The following LRRC42 variants were observed in gnomAD, a reference collection of about 807,000 sequenced individuals.
The protein encoded by LRRC42 is leucine-rich repeat-containing protein 42.
A neutral mutation model predicts 44.3 loss-of-function variants in LRRC42; 43 were observed. The ratio of observed to expected loss-of-function variants is 0.97; its 90% confidence interval spans 0.76 to 1.25. The LOEUF (loss-of-function observed/expected upper bound fraction) is 1.25, where lower values mean the gene tolerates loss of function less well. Ranked by LOEUF, LRRC42 falls within the 50% of genes most tolerant of loss-of-function variation. LRRC42 has a pLI of 0.00. For missense variants in LRRC42, 540 were observed against 509.1 expected (o/e 1.06, Z -0.58); for synonymous variants, 207 against 195.2 (o/e 1.06, Z -0.50).
intron 7 of LRRC42, among the ~76,000 whole-genome samples, chr1:53,963,835 T>C (rs1655056272): frequency 6.6e-6 from 1 of 152,220 alleles, no homozygotes; most frequent in South Asian, 2.1e-4. Context: ...AGAACAAGTA[T>C]GCTCCTTTAT....
chr1:53,965,130 G>A (rs1175735534), intron 7 of LRRC42, among the ~76,000 whole-genome samples: 1 of 150,616 alleles, frequency 6.6e-6, no homozygotes, highest in Non-Finnish European at 1.5e-5. Context: ...TCAGCCTCCC[G>A]AGTAGCTGGG....
At chr1:53,949,937 C>T (rs1263795025) in intron 2 of LRRC42, among the ~76,000 whole-genome samples, 1 of 152,238 alleles carries the variant, frequency 6.6e-6, no homozygotes, top group African/African-American at 2.4e-5. Flanking sequence ...AGGTCTTACC[C>T]TTCCTTTCAT....
intron 5 of LRRC42, among the ~76,000 whole-genome samples, chr1:53,961,419 AAAAG>A (rs1338123743): frequency 1.3e-5 from 2 of 152,228 alleles, no homozygotes; most frequent in African/African-American, 2.4e-5. Context: ...TCAAAAAAAA[AAAAG>A]AAATAATGAA....
chr1:53,963,343 T>A (rs1352591755), intron 7 of LRRC42, among the ~76,000 whole-genome samples: 4 of 152,148 alleles, frequency 2.6e-5, no homozygotes, highest in African/African-American at 7.2e-5. Context: ...ATGCATCCAG[T>A]GGATGTGGGA....
chr1:53,955,354 T>A (rs984632354), intron 3 of LRRC42, among the ~76,000 whole-genome samples: 3 of 152,156 alleles, frequency 2.0e-5, no homozygotes, highest in Non-Finnish European at 4.4e-5. Flanking sequence ...TTGAGTGCAG[T>A]GGCGTGATCT....
intron 2 of LRRC42, among the ~76,000 whole-genome samples, chr1:53,949,962 AT>A (rs1207786475): frequency 6.6e-6 from 1 of 152,208 alleles, no homozygotes; most frequent in African/African-American, 2.4e-5. Context: ...TTCAGCAAAT[AT>A]CTTTTGAGGG....
chr1:53,963,578 C>T (rs907760090), intron 7 of LRRC42, among the ~76,000 whole-genome samples: 1 of 152,232 alleles, frequency 6.6e-6, no homozygotes, highest in Non-Finnish European at 1.5e-5. Context: ...AATAAAACAC[C>T]TAGCAGCCTG....
intron 3 of LRRC42, among the ~76,000 whole-genome samples, chr1:53,956,635 G>C (rs1654849079): frequency 6.6e-6 from 1 of 152,142 alleles, no homozygotes; most frequent in South Asian, 2.1e-4. Context: ...GGGAAAATTT[G>C]GAAGACTGGT....
Position 53,960,403 on chromosome 1 carries a change from T to C in LRRC42, c.653T>C (p.Val218Ala), listed in dbSNP as rs1478111886. 1 of 1,614,046 alleles carries C rather than the reference T, an allele frequency of 6.2e-7. No individual in the cohort carries two copies. The highest frequency in any genetic ancestry group is 1.7e-5 in the Admixed American group (1 of 59,998). The change falls in exon 5 of 9, where the codon GTG (valine) becomes GCG (alanine). Residue 218 changes from valine (V) to alanine (A), a missense_variant. Val to Ala is a moderately conservative substitution (Grantham distance 64). Coordinates refer to ENST00000371370, the MANE Select transcript of LRRC42 (RefSeq NM_001256409.2). ...GATAATTGTTTATCTGATGCTGGGGTGCGGAAGATGACAGCACCAGTTCGA... is the reference window on the plus strand; with the variant it reads ...GATAATTGTTTATCTGATGCTGGGGCGCGGAAGATGACAGCACCAGTTCGA... ...LKDNCLSDAG[V>A]RKMTAPVRVM...
chr1:53,966,867 A>C (rs553647770), intron 8 of LRRC42, among the ~76,000 whole-genome samples: 1 of 152,210 alleles, frequency 6.6e-6, no homozygotes, highest in South Asian at 2.1e-4. Flanking sequence ...TTGTTCTTGT[A>C]TAAGGTACCT....
intron 3 of LRRC42, among the ~76,000 whole-genome samples, chr1:53,957,485 C>T (rs899082361): frequency 6.6e-6 from 1 of 152,208 alleles, no homozygotes; most frequent in African/African-American, 2.4e-5. Flanking sequence ...CCTGATGCTT[C>T]CTGATAACAA....
chr1:53,962,307 C>A lies in LRRC42; in HGVS notation c.825C>A (p.Thr275=), dbSNP rs150394382. The A allele has an allele frequency of 1.2e-6, 2 of 1,613,336 alleles. No homozygotes were observed. The highest frequency in any genetic ancestry group is 2.7e-5 in the African/African-American group (2 of 74,916). The change falls in exon 7 of 9, where the codon ACC becomes ACA. Residue 275 remains threonine, a synonymous_variant. Transcript: ENST00000371370. Reference sequence around the variant, plus strand: ...CTCTGCCTCACTAGGACATCAAAACCGTCAAGCACAAGCTCCAGACCCACA... The same window carrying A: ...CTCTGCCTCACTAGGACATCAAAACAGTCAAGCACAAGCTCCAGACCCACA... ...ISGTGLKDIK[T]VKHKLQTHIG...
intron 2 of LRRC42, among the ~76,000 whole-genome samples, chr1:53,951,010 T>G (rs1338987054): frequency 2.6e-5 from 4 of 152,256 alleles, no homozygotes; most frequent in African/African-American, 7.2e-5. Context: ...GACTATAAGA[T>G]GCCAGGACAC....
intron 3 of LRRC42, among the ~76,000 whole-genome samples, chr1:53,955,628 CTTTTT>C (rs1291926537): frequency 1.5e-5 from 2 of 133,400 alleles, no homozygotes; most frequent in African/African-American, 2.8e-5. Context: ...TTAACATAAT[CTTTTT>C]TTTTTTTTTT....
At position 53,967,673 on chromosome 1, in the gene LRRC42, C is replaced by T. The variant is rs149677498; in HGVS notation, c.1021C>T (p.Arg341Trp). The change falls in exon 9 of 9, where the codon CGG becomes TGG. Residue 341 changes from arginine (R) to tryptophan (W), a missense_variant. Arg to Trp is a moderately radical substitution (Grantham distance 101). Coordinates refer to ENST00000371370, the MANE Select transcript of LRRC42 (RefSeq NM_001256409.2). ...RAAAQRFYGK[R>W]SRAEAPLKCP... The stretch of plus-strand genomic sequence containing the variant: ...CCTCCCTTCTGTCACAGATGGGAAG[C>T]GGTCTCGAGCAGAAGCCCCACTGAA... 1.8e-5 allele frequency: 29 copies of T among 1,613,416 alleles called. No individual in the cohort carries two copies. The highest frequency in any genetic ancestry group is 8.0e-5 in the African/African-American group (6 of 74,866).
intron 3 of LRRC42, among the ~76,000 whole-genome samples, chr1:53,957,905 CATTTATTT>C (rs201223513): frequency 1.2e-4 from 18 of 152,120 alleles, no homozygotes; most frequent in East Asian, 3.9e-4. Flanking sequence ...TGCTAATATA[CATTTATTT>C]ATTTATTTAT....
rs991958415 is a variant in LRRC42 at position 53,946,477 on chromosome 1, C to G, written c.-121C>G. The G allele has an allele frequency of 2.6e-5, 4 of 152,162 alleles. No individual in the cohort carries two copies. Among genetic ancestry groups the G allele is most frequent in the Non-Finnish European group, 5.9e-5 (4 of 68,076 alleles). 9.4% of individuals were successfully genotyped at this position (152,162 alleles called of 1,614,324 possible). ...TGTGCCCGGGGTGCTGAGCCCTTCC[C>G]CGTCAGCCGGGCCGCGGGAGGAGGG... On this transcript the variant is annotated 5_prime_UTR_variant, in exon 1 of 9. Coordinates refer to ENST00000371370, the MANE Select transcript of LRRC42 (RefSeq NM_001256409.2).
chr1:53,947,293 G>A (rs945789916), intron 1 of LRRC42, among the ~76,000 whole-genome samples: 2 of 152,048 alleles, frequency 1.3e-5, no homozygotes, highest in Admixed American at 1.3e-4. Flanking sequence ...AGGATTTTTG[G>A]TGTGAGAAGC....
chr1:53,951,792 G>A (rs905161504), intron 2 of LRRC42, among the ~76,000 whole-genome samples, 194 bp from the exon 3 acceptor site: 22 of 152,132 alleles, frequency 1.4e-4, no homozygotes, highest in African/African-American at 5.1e-4. Context: ...GAGTAGGAAG[G>A]GGCATTCCAG....
Sources: allele counts gnomAD v4.1 joint callset (sites outside exome capture counted in the v4.1 genomes callset), GRCh38; gene constraint gnomAD v4.1.1; transcripts MANE v1.5; gene names NCBI Gene and HGNC (gene_info 2026-07-23, HGNC 2026-07-21).